KDM5D: variants seen among roughly 807,000 people sequenced by gnomAD.
KDM5D encodes the protein lysine-specific demethylase 5D.
A neutral mutation model predicts 31.9 loss-of-function variants in KDM5D; 25 were observed. The ratio of observed to expected loss-of-function variants is 0.78; its 90% CI spans 0.57 to 1.09. The LOEUF (loss-of-function observed/expected upper bound fraction) is 1.09, where lower values mean the gene tolerates loss of function less well. Among genes scored for constraint, KDM5D ranks in the 50% least tolerant of loss-of-function variants. The pLI is 0.00. For missense variants in KDM5D, 366 were observed against 341.6 expected (o/e 1.07, Z -0.56); for synonymous variants, 146 against 122.3 (o/e 1.19, Z -1.28).
At position 19,715,453 on chromosome Y, in the gene KDM5D, C is replaced by A. The variant is rs747021428; in HGVS notation, c.2385G>T (p.Arg795Ser). 33 of 398,127 alleles carry A rather than the reference C, an allele frequency of 8.3e-5. No homozygotes were observed. The highest frequency in any genetic ancestry group is 1.1e-4 in the Non-Finnish European group (30 of 283,145). Reference sequence around the variant, plus strand: ...GCTGAAGCAGCTCACTATTAGGAAACCTCCTCTCACGAGCCTCAGACTCCA... The same window carrying A: ...GCTGAAGCAGCTCACTATTAGGAAAACTCCTCTCACGAGCCTCAGACTCCA... ...RALESEARER[R>S]FPNSELLQRL... The change falls in exon 18 of 27, where the codon AGG becomes AGT. Residue 795 changes from arginine (R) to serine (S), a missense_variant. By Grantham distance (110) the Arg-to-Ser change is moderately radical. Coordinates refer to ENST00000317961, the MANE Select transcript of KDM5D (RefSeq NM_004653.5).
At position 19,708,006 on chromosome Y, in the gene KDM5D, C is replaced by A. The variant is rs748757185; in HGVS notation, c.3327G>T (p.Ala1109=). 2.5e-6 allele frequency: 1 copy of A among 396,870 alleles called. No individual in the cohort carries two copies. Among genetic ancestry groups the A allele is most frequent in the Non-Finnish European group, 3.5e-6 (1 of 282,546 alleles). ...CTGTGTCACACTGGTACAACCCCAGCGCCTTCTCCATCCACCGGCTACGCT... is the reference window on the plus strand; with the variant it reads ...CTGTGTCACACTGGTACAACCCCAGAGCCTTCTCCATCCACCGGCTACGCT... The part of the protein sequence containing the change: ...STKRSRWMEK[A]LGLYQCDTEL... Residue 1109 remains alanine, a synonymous_variant, in exon 23 of 27, where the codon GCG becomes GCT. Coordinates refer to ENST00000317961, the MANE Select transcript of KDM5D (RefSeq NM_004653.5).
chrY:19,732,747 C>CA lies in KDM5D; in HGVS notation c.934-6dup, dbSNP rs751604607. ...TTGGCAAATATATGAGTCAATCTAC[C>CA]AAAAAAAAAAAAAAAGTAAAAAATT... is the stretch of plus-strand genomic sequence containing the variant. On this transcript the variant is annotated splice_region_variant and splice_polypyrimidine_tract_variant and intron_variant, in intron 8 of 26. Coordinates refer to ENST00000317961, the MANE Select transcript of KDM5D (RefSeq NM_004653.5). 48 of 216,440 alleles carry CA rather than the reference C, an allele frequency of 2.2e-4. No individual in the cohort carries two copies. Among genetic ancestry groups the CA allele is most frequent in the African/African-American group, 1.1e-3 (10 of 8,807 alleles). 54.0% of individuals were successfully genotyped at this position (216,440 alleles called of 400,897 possible).
intron 19 of KDM5D, 70 bp from the exon 20 acceptor site, chrY:19,709,879 C>T: frequency 2.7e-6 from 1 of 369,569 alleles, no homozygotes. Context: ...ATTTGCTCCA[C>T]TTCTCATCTT....
Position 19,707,158 on chromosome Y carries a change from T to C in KDM5D, c.3988A>G (p.Asn1330Asp). 2.5e-6 allele frequency: 1 copy of C among 396,895 alleles called. No homozygotes were observed. The highest frequency in any genetic ancestry group is 3.5e-6 in the Non-Finnish European group (1 of 282,358). The change falls in exon 24 of 27, where the codon AAT becomes GAT. Residue 1330 changes from asparagine to aspartate, a missense_variant. Coordinates refer to ENST00000317961, the MANE Select transcript of KDM5D (RefSeq NM_004653.5). ...CCTGGAAAGCTCACCTTAGAAATATTGTTGCCACTGCCTTCTCTGATAGGG... is the reference window on the plus strand; with the variant it reads ...CCTGGAAAGCTCACCTTAGAAATATCGTTGCCACTGCCTTCTCTGATAGGG... The part of the protein sequence containing the change: ...CDPIREGSGN[N>D]ISKVQGLLEN...
intron 11 of KDM5D, among the ~76,000 whole-genome samples, chrY:19,724,750 T>A: frequency 3.0e-5 from 1 of 33,241 alleles, no homozygotes; most frequent in Non-Finnish European, 7.4e-5. Context: ...TAAACAATAT[T>A]CAATTAGGAA....
intron 7 of KDM5D, 52 bp downstream of exon 7, chrY:19,735,569 A>G (rs2045503941): frequency 2.5e-6 from 1 of 395,607 alleles, no homozygotes; most frequent in African/African-American, 6.4e-5. Flanking sequence ...TTCTCCCATG[A>G]AACTTTACTA....
At position 19,715,687 on chromosome Y, in the gene KDM5D, G is replaced by A; in HGVS notation, c.2266C>T (p.Arg756Trp). ...GCCCAGGTGTCAAAAGACTCAGCCC[G>A]AATCTTCAGTTTATGCAGCATGGTG... ...LPTMLHKLKI[R>W]AESFDTWANK... is the part of the protein sequence containing the mutation. The change falls in exon 17 of 27, where the codon CGG becomes TGG. Residue 756 changes from arginine to tryptophan, a missense_variant. Arg to Trp is a moderately radical substitution (Grantham distance 101). Transcript: ENST00000317961. 4 of 398,619 alleles carry A rather than the reference G, an allele frequency of 1.0e-5. No individual in the cohort carries two copies. Among genetic ancestry groups the A allele is most frequent in the South Asian group, 3.0e-5 (1 of 33,757 alleles).
intron 12 of KDM5D, 25 bp from the exon 13 acceptor site, chrY:19,721,059 T>C (rs756303801): frequency 2.5e-6 from 1 of 397,076 alleles, no homozygotes; most frequent in South Asian, 3.0e-5. Flanking sequence ...AGAAGACACG[T>C]CAAGTCTATA....
chrY:19,726,608 G>A, intron 11 of KDM5D, among the ~76,000 whole-genome samples: 4 of 32,728 alleles, frequency 1.2e-4, no homozygotes, highest in African/African-American at 4.8e-4. Flanking sequence ...AAGGTAGGTA[G>A]ATCACAGATT....
In KDM5D at chrY:19,720,977, C is replaced by G. The variant is rs1042221646; in HGVS notation, c.1611G>C (p.Glu537Asp). The change falls in exon 13 of 27, where the codon GAG becomes GAC. Residue 537 changes from glutamate to aspartate, a missense_variant. Transcript: ENST00000317961. ...GCTCAGGTGTCAGCATCTTCATCAC[C>G]TCCTCCAAATGCTCTGCTGCCAGGG... is the stretch of plus-strand genomic sequence containing the variant. ...VPSLAAEHLE[E>D]VMKMLTPELF... 12 of 397,692 alleles carry G rather than the reference C, an allele frequency of 3.0e-5. No homozygotes were observed. The highest frequency in any genetic ancestry group is 4.2e-5 in the Non-Finnish European group (12 of 282,723).
intron 11 of KDM5D, among the ~76,000 whole-genome samples, chrY:19,728,954 G>A: frequency 3.1e-5 from 1 of 32,377 alleles, no homozygotes; most frequent in Admixed American, 2.8e-4. Context: ...GCTCACGCCT[G>A]TAATCCCAGC....
rs2045392760 is a variant in KDM5D, at chrY:19,721,323, G to C, written c.1372-12C>G. On this transcript the variant is annotated splice_polypyrimidine_tract_variant and intron_variant, in intron 11 of 26. Coordinates refer to ENST00000317961, the MANE Select transcript of KDM5D (RefSeq NM_004653.5). ...CTGGTCGCATACTCCTGTTGGGTCA[G>C]AGATTTGCCAGAGTGAGTAGGGAGT... The C allele has an allele frequency of 2.6e-6, 1 of 387,676 alleles. No individual in the cohort carries two copies. The highest frequency in any genetic ancestry group is 3.6e-6 in the Non-Finnish European group (1 of 275,376).
chrY:19,715,588 G>T (rs767548803), intron 17 of KDM5D, 27 bp downstream of exon 17: 2 of 398,467 alleles, frequency 5.0e-6, no homozygotes, highest in South Asian at 5.9e-5. Flanking sequence ...GCTTACACAA[G>T]GGTTCCTTCC....
Position 19,704,175 on chromosome Y carries a change from C to A in KDM5D, c.*1820G>T, listed in dbSNP as rs2045217032. 3.0e-5 allele frequency: 1 copy of A among 33,341 alleles called. No individual in the cohort carries two copies. Among genetic ancestry groups the A allele is most frequent in the Non-Finnish European group, 7.4e-5 (1 of 13,530 alleles). 8.3% of individuals were successfully genotyped at this position (33,341 alleles called of 400,897 possible). ...TACAACTGTCCTGACATTGGATTGC[C>A]TGCTTACTGTGAAGTATGTGAACAA... On this transcript the variant is annotated 3_prime_UTR_variant, in exon 27 of 27. Coordinates refer to ENST00000317961, the MANE Select transcript of KDM5D (RefSeq NM_004653.5).
chrY:19,720,269 T>C, intron 13 of KDM5D, among the ~76,000 whole-genome samples: 1 of 33,097 alleles, frequency 3.0e-5, no homozygotes, highest in African/African-American at 1.2e-4. Flanking sequence ...TCATAAAATG[T>C]ATAAAATGTC....
rs748708563 is a variant in KDM5D at position 19,732,583 on chromosome Y, C to A, written c.1092+1G>T. ...AAGCATCTGTGACAGACAGATCTTA[C>A]CGCCAAGATACATTTTGGGCACCTC... is the stretch of plus-strand genomic sequence containing the variant. On this transcript the variant is annotated splice_donor_variant, in intron 9 of 26. Coordinates refer to ENST00000317961, the MANE Select transcript of KDM5D (RefSeq NM_004653.5). LOFTEE classifies it high-confidence loss of function. 1 of 387,811 alleles carries A rather than the reference C, an allele frequency of 2.6e-6. No homozygotes were observed. Among genetic ancestry groups the A allele is most frequent in the Non-Finnish European group, 3.6e-6 (1 of 278,341 alleles).
At chrY:19,712,683 C>T (rs1022478878) in intron 18 of KDM5D, among the ~76,000 whole-genome samples, 3 of 34,556 alleles carry the variant, frequency 8.7e-5, no homozygotes, top group Non-Finnish European at 2.2e-4. Flanking sequence ...AGACCTTCCA[C>T]TAAAATAAGA....
At position 19,739,646 on chromosome Y, in the gene KDM5D, G is replaced by T. The variant is rs1456833884; in HGVS notation, c.539C>A (p.Pro180Gln). The T allele has an allele frequency of 2.5e-6, 1 of 393,070 alleles. No individual in the cohort carries two copies. The highest frequency in any genetic ancestry group is 3.6e-6 in the Non-Finnish European group (1 of 279,276). ...GANHVQCNTH[P>Q]FDNEVKDKEY... Reference sequence around the variant, plus strand: ...CTTATCTTTTACCTCATTGTCAAACGGGTGTGTGTTACATTGCTAGAGAGA... The same window carrying T: ...CTTATCTTTTACCTCATTGTCAAACTGGTGTGTGTTACATTGCTAGAGAGA... Residue 180 changes from proline (P) to glutamine (Q), a missense_variant, in exon 6 of 27, where the codon CCG becomes CAG. Coordinates refer to ENST00000317961, the MANE Select transcript of KDM5D (RefSeq NM_004653.5).
At position 19,709,598 on chromosome Y, in the gene KDM5D, C is replaced by T. The variant is rs761733755; in HGVS notation, c.2795G>A (p.Gly932Asp). The T allele has an allele frequency of 2.5e-6, 1 of 396,283 alleles. No individual in the cohort carries two copies. Among genetic ancestry groups the T allele is most frequent in the East Asian group, 9.3e-5 (1 of 10,717 alleles). ...KQALAPSAHR[G>D]SLVIMQGLLV... ...AAGCCCCTGCATGATGACCAGAGAG[C>T]CCCTGTGAGCAGAAGGGGCCAGGGC... Residue 932 changes from glycine (G) to aspartate (D), a missense_variant, in exon 20 of 27, where the codon GGC (glycine) becomes GAC (aspartate). By Grantham distance (94) the Gly-to-Asp change is moderately conservative. Coordinates refer to ENST00000317961, the MANE Select transcript of KDM5D (RefSeq NM_004653.5).
Sources: allele counts gnomAD v4.1 joint callset (sites outside exome capture counted in the v4.1 genomes callset), GRCh38; gene constraint gnomAD v4.1.1; transcripts MANE v1.5; gene names NCBI Gene and HGNC (gene_info 2026-07-23, HGNC 2026-07-21).